Variants in PCDHGB3 observed in about 807,000 individuals in gnomAD.
PCDHGB3 encodes the protein protocadherin gamma subfamily B, 3.
PCDHGB3 carries 40 observed loss-of-function variants against 59.2 expected under a neutral mutation model. The ratio of observed to expected loss-of-function variants is 0.68; its 90% CI spans 0.52 to 0.88. The LOEUF (loss-of-function observed/expected upper bound fraction) is 0.88. PCDHGB3 is among the 40% of genes least tolerant of loss of function. PCDHGB3 has a pLI of 0.00. For missense variants in PCDHGB3, 1,309 were observed against 1,187.9 expected (o/e 1.10, Z -1.50); for synonymous variants, 581 against 503.6 (o/e 1.15, Z -2.06).
At chr5:141,459,694 T>A (rs767389870) in intron 1 of PCDHGB3, among the ~76,000 whole-genome samples, 1 of 152,252 alleles carries the variant, frequency 6.6e-6, no homozygotes, top group Non-Finnish European at 1.5e-5. Context: ...AGCGTTCCGC[T>A]TGCTACATTT....
chr5:141,395,264 A>C (rs2093207486), intron 1 of PCDHGB3: 1 of 1,549,832 alleles, frequency 6.5e-7, no homozygotes, highest in Non-Finnish European at 8.7e-7. Context: ...GCTTGCTTTT[A>C]ATTTCCAGAT....
intron 1 of PCDHGB3, chr5:141,417,544 C>A: frequency 3.2e-6 from 1 of 308,860 alleles, no homozygotes; most frequent in Non-Finnish European, 5.9e-6. Context: ...AAAAAAATTC[C>A]TTGAAAGAGG....
At chr5:141,436,959 G>A (rs1385958934) in intron 1 of PCDHGB3, among the ~76,000 whole-genome samples, 1 of 152,120 alleles carries the variant, frequency 6.6e-6, no homozygotes, top group Non-Finnish European at 1.5e-5. Context: ...TCTAAACAAG[G>A]ATCTTGTGAA....
intron 1 of PCDHGB3, chr5:141,441,978 A>T (rs769977785): frequency 9.1e-5 from 26 of 285,248 alleles, no homozygotes; most frequent in Non-Finnish European, 1.8e-4. Flanking sequence ...TCAGCCTGGA[A>T]TGCGCACCGA....
intron 1 of PCDHGB3, chr5:141,382,748 C>T (rs753044238): frequency 2.3e-5 from 14 of 606,870 alleles, no homozygotes; most frequent in Non-Finnish European, 3.6e-5. Context: ...CGACAGATTG[C>T]GATAAGCCCT....
intron 1 of PCDHGB3, among the ~76,000 whole-genome samples, chr5:141,447,285 A>G (rs143024915): frequency 0.046 from 7,013 of 152,060 alleles, 241 homozygotes; most frequent in African/African-American, 0.093. Context: ...GACTACAGGC[A>G]CATGCCACCA....
chr5:141,503,136 A>G (rs1352550702), intron 2 of PCDHGB3, among the ~76,000 whole-genome samples: 5 of 151,846 alleles, frequency 3.3e-5, no homozygotes, highest in Admixed American at 2.0e-4. Context: ...GTAGCCCCTG[A>G]CACAGCCCAT....
At position 141,372,146 on chromosome 5, in the gene PCDHGB3, T is replaced by C. The variant is rs371379465; in HGVS notation, c.1752T>C (p.Pro584=). The C allele has an allele frequency of 1.2e-4, 200 of 1,613,738 alleles. 1 individual carries two copies. In the South Asian group the frequency reaches 2.0e-3, roughly 16 times the overall value. ...LFDMVPRSAE[P]GYLVTKVVAV... ...ATATGGTGCCGCGCTCTGCAGAGCC[T>C]GGCTACCTGGTGACCAAGGTGGTGG... Residue 584 remains proline (P), a synonymous_variant, in exon 1 of 4, where the codon CCT becomes CCC. Coordinates refer to ENST00000576222, the MANE Select transcript of PCDHGB3 (RefSeq NM_018924.5).
At chr5:141,403,891 A>T (rs779525294) in intron 1 of PCDHGB3, 17 of 1,613,752 alleles carry the variant, frequency 1.1e-5, no homozygotes, top group Admixed American at 1.0e-4. Flanking sequence ...AAGAATGTTC[A>T]TTTTATGAAA....
Position 141,431,682 on chromosome 5 carries a change from A to C in PCDHGB3, c.2415+58873A>C. The C allele has an allele frequency of 1.2e-6, 2 of 1,614,232 alleles. No homozygotes were observed. Among genetic ancestry groups the C allele is most frequent in the Non-Finnish European group, 1.7e-6 (2 of 1,180,042 alleles). ...ACAATATCAACAATAGGGGAGTTGG[A>C]CCACGAGGAGTCAGGATTCTACCAG... On this transcript the variant is annotated intron_variant, in intron 1 of 3. Transcript: ENST00000576222. The surrounding 1 kb of genome is among the most constrained non-coding windows in gnomAD (Gnocchi z 4.8).
Position 141,432,563 on chromosome 5 carries a change from G to T in PCDHGB3, c.2415+59754G>T. 2 of 1,613,912 alleles carry T rather than the reference G, an allele frequency of 1.2e-6. No homozygotes were observed. Among genetic ancestry groups the T allele is most frequent in the Non-Finnish European group, 1.7e-6 (2 of 1,179,996 alleles). The stretch of plus-strand genomic sequence containing the variant: ...GGTGGACAGAGACTCCGGCCAGAAC[G>T]CCTGGCTGTCCTACCGTCTGCTCAA... On this transcript the variant is annotated intron_variant, in intron 1 of 3. Transcript: ENST00000576222. The surrounding 1 kb of genome is among the most constrained non-coding windows in gnomAD (Gnocchi z 6.0).
intron 1 of PCDHGB3, chr5:141,416,068 A>G (rs940843403): frequency 1.2e-5 from 2 of 173,694 alleles, no homozygotes; most frequent in Non-Finnish European, 2.4e-5. Context: ...AGAATACTCA[A>G]TGCAGTTCTT....
Position 141,431,883 on chromosome 5 carries a change from A to T in PCDHGB3, c.2415+59074A>T, listed in dbSNP as rs748968989. 6.8e-6 allele frequency: 11 copies of T among 1,614,118 alleles called. No individual in the cohort carries two copies. The highest frequency in any genetic ancestry group is 1.1e-5 in the South Asian group (1 of 91,084). On this transcript the variant is annotated intron_variant, in intron 1 of 3. Transcript: ENST00000576222. The surrounding 1 kb of genome is among the most constrained non-coding windows in gnomAD (Gnocchi z 4.8). ...GCCCTTTTAAATGTAAATGACCAAG[A>T]TTCTGAGGAAAACGGACAGGTGATC...
At chr5:141,413,748 T>G (rs1264580781) in intron 1 of PCDHGB3, 1 of 1,613,288 alleles carries the variant, frequency 6.2e-7, no homozygotes, top group Admixed American at 1.7e-5. Flanking sequence ...GCCGTGCCAA[T>G]GGCGTCAAGT....
intron 1 of PCDHGB3, chr5:141,413,424 G>T: frequency 6.2e-7 from 1 of 1,614,086 alleles, no homozygotes; most frequent in Non-Finnish European, 8.5e-7. Flanking sequence ...CTCTGAACCC[G>T]CGCAGCGGCA....
chr5:141,427,425 AC>A (rs1184817093), intron 1 of PCDHGB3: 2 of 469,034 alleles, frequency 4.3e-6, no homozygotes, highest in Non-Finnish European at 8.5e-6. Flanking sequence ...TGGGGAGGTT[AC>A]ATGCCTCATA....
At chr5:141,411,556 C>A (rs2095498108) in intron 1 of PCDHGB3, 1 of 152,200 alleles carries the variant, frequency 6.6e-6, no homozygotes, top group Non-Finnish European at 1.5e-5. Context: ...TGCACTCCAG[C>A]CTGGGCGACA....
At chr5:141,389,988 C>T (rs1348283803) in intron 1 of PCDHGB3, 7 of 1,613,918 alleles carry the variant, frequency 4.3e-6, no homozygotes, top group Non-Finnish European at 5.9e-6. Context: ...AGTGCTCTTC[C>T]TCGTGGCCAT....
intron 1 of PCDHGB3, among the ~76,000 whole-genome samples, chr5:141,488,236 T>A (rs1333427955): frequency 6.6e-6 from 1 of 152,154 alleles, no homozygotes; most frequent in Admixed American, 6.5e-5. Context: ...TTGAACTAGA[T>A]GCGGTAAATT....
Sources: allele counts gnomAD v4.1 joint callset (sites outside exome capture counted in the v4.1 genomes callset), GRCh38; gene constraint gnomAD v4.1.1; non-coding constraint Gnocchi (gnomAD v3.1); transcripts MANE v1.5; gene names NCBI Gene and HGNC (gene_info 2026-07-23, HGNC 2026-07-21).